The following BLTP1 variants were observed in gnomAD, a reference collection of about 807,000 sequenced individuals.
BLTP1 encodes bridge-like lipid transfer protein family member 1.
At chr4:122,295,266 C>T in the BLTP1 span, among the ~76,000 whole-genome samples, 2 of 145,816 alleles carry the variant, frequency 1.4e-5, no homozygotes, top group African/African-American at 4.8e-5. Context: ...CAGAGAACCC[C>T]AGTAAGACAC....
At chr4:122,303,399 C>T in the BLTP1 span, among the ~76,000 whole-genome samples, 228 of 152,264 alleles carry the variant, frequency 1.5e-3, 1 homozygote, top group African/African-American at 5.4e-3. Flanking sequence ...TGAAAATTTA[C>T]AAGGAAATTA....
the BLTP1 span, among the ~76,000 whole-genome samples, chr4:122,159,355 C>T: frequency 2.0e-5 from 3 of 151,490 alleles, no homozygotes; most frequent in South Asian, 6.2e-4. Flanking sequence ...CCCAGCTACT[C>T]GGGAGGCTGA....
At chr4:122,267,838 G>A in the BLTP1 span, among the ~76,000 whole-genome samples, 2 of 152,080 alleles carry the variant, frequency 1.3e-5, no homozygotes, top group African/African-American at 2.4e-5. Flanking sequence ...GACTTAAATC[G>A]ATAGAAATAG....
chr4:122,270,648 G>T, the BLTP1 span, among the ~76,000 whole-genome samples: 3 of 151,750 alleles, frequency 2.0e-5, no homozygotes, highest in African/African-American at 7.3e-5. Context: ...ATTGTAGGAG[G>T]GGGGGATGGT....
the BLTP1 span, chr4:122,229,996 T>C: frequency 6.2e-6 from 10 of 1,614,144 alleles, no homozygotes; most frequent in Non-Finnish European, 8.5e-6. Flanking sequence ...GAATCAGTGC[T>C]GCAATTCAGG....
the BLTP1 span, chr4:122,336,519 C>A: frequency 4.0e-6 from 2 of 503,944 alleles, no homozygotes; most frequent in African/African-American, 2.1e-5. Flanking sequence ...TTGTCATTTA[C>A]AAATGAAGAA....
chr4:122,309,050 A>G, the BLTP1 span, among the ~76,000 whole-genome samples: 1 of 152,104 alleles, frequency 6.6e-6, no homozygotes, highest in African/African-American at 2.4e-5. Context: ...AAATGTAGAT[A>G]GCCCTTTGTA....
At chr4:122,246,435 A>AC in the BLTP1 span, 1 of 1,060,018 alleles carries the variant, frequency 9.4e-7, no homozygotes, top group Non-Finnish European at 1.3e-6. Context: ...TCTATGATCT[A>AC]ATGTAGATCT....
chr4:122,209,127 T>C, the BLTP1 span: 1 of 1,568,100 alleles, frequency 6.4e-7, no homozygotes. Flanking sequence ...GCACTAATTT[T>C]ATTACTTTGG....
chr4:122,279,710 T>C, the BLTP1 span: 2 of 1,513,962 alleles, frequency 1.3e-6, no homozygotes, highest in Non-Finnish European at 8.9e-7. Flanking sequence ...TCTCAATATT[T>C]TTTCAAAATT....
chr4:122,358,184 G>A, the BLTP1 span, among the ~76,000 whole-genome samples: 7 of 152,156 alleles, frequency 4.6e-5, no homozygotes, highest in Non-Finnish European at 1.0e-4. Flanking sequence ...GAAAAAAACA[G>A]ATTCAAGACA....
the BLTP1 span, chr4:122,310,782 G>A: frequency 2.8e-5 from 5 of 179,234 alleles, no homozygotes; most frequent in Non-Finnish European, 5.4e-5. Flanking sequence ...CATTTTAGAA[G>A]GCAGTGTGTA....
chr4:122,254,931 A>G, the BLTP1 span: 1 of 1,611,868 alleles, frequency 6.2e-7, no homozygotes, highest in Admixed American at 1.7e-5. Flanking sequence ...CTGTTATGGG[A>G]TGCATAATGA....
the BLTP1 span, chr4:122,224,592 T>G: frequency 1.9e-6 from 3 of 1,614,114 alleles, no homozygotes; most frequent in Non-Finnish European, 2.5e-6. Context: ...GCAGAAGGTC[T>G]TCCTTTGGGA....
the BLTP1 span, chr4:122,287,403 ATC>A: frequency 6.1e-6 from 1 of 164,080 alleles, no homozygotes; most frequent in Non-Finnish European, 1.3e-5. Flanking sequence ...TAAGCAGGTC[ATC>A]TGTTATTTTC....
chr4:122,180,308 T>G, the BLTP1 span, among the ~76,000 whole-genome samples: 2 of 152,184 alleles, frequency 1.3e-5, no homozygotes, highest in Non-Finnish European at 2.9e-5. Flanking sequence ...TAAATACTAG[T>G]TTTTTTCTCT....
At chr4:122,198,762 A>T in the BLTP1 span, among the ~76,000 whole-genome samples, 5,442 of 152,168 alleles carry the variant, frequency 0.036, 341 homozygotes, top group African/African-American at 0.12. Flanking sequence ...ACAATATATA[A>T]CAAAACTTTT....
chr4:122,344,850 GT>G, the BLTP1 span: 1 of 984,638 alleles, frequency 1.0e-6, no homozygotes, highest in South Asian at 4.7e-5. Flanking sequence ...AATTGGTACA[GT>G]TTCTTTTTGT....
chr4:122,276,528 A>G, the BLTP1 span: 43 of 983,556 alleles, frequency 4.4e-5, no homozygotes, highest in South Asian at 1.9e-4. Context: ...GTTTCATTCA[A>G]TAGATGAATG....
Sources: gnomAD v4.1 joint callset for allele counts (sites outside exome capture counted in the v4.1 genomes callset) on GRCh38, gnomAD v4.1.1 for gene constraint, MANE v1.5 for transcripts, NCBI Gene and HGNC (gene_info 2026-07-23, HGNC 2026-07-21) for gene names.